KLHL24: variants seen among roughly 807,000 people sequenced by gnomAD.
KLHL24 encodes the protein kelch like family member 24, also known as kelch-like protein 24.
Under a neutral mutation model 53.4 loss-of-function variants are expected in KLHL24, and 29 were observed. The observed-to-expected ratio is 0.54, with a 90% CI of 0.40 to 0.74. The LOEUF (loss-of-function observed/expected upper bound fraction) is 0.74, where lower values mean the gene tolerates loss of function less well. Among genes scored for constraint, KLHL24 ranks in the 30% least tolerant of loss-of-function variants. KLHL24 has a pLI of 0.00. For synonymous variants in KLHL24, 222 were observed against 253.7 expected, an observed-to-expected ratio of 0.88 and a Z score of 1.19; for missense variants, 504 against 744.0, an observed-to-expected ratio of 0.68 and a Z score of 3.75.
At position 183,681,074 on chromosome 3, in the gene KLHL24, T is replaced by C. The variant is rs1352709415; in HGVS notation, c.*1788T>C. 1 of 152,156 alleles carries C rather than the reference T, an allele frequency of 6.6e-6. No homozygotes were observed. The highest frequency in any genetic ancestry group is 1.5e-5 in the Non-Finnish European group (1 of 68,000). The allele number at this position is 152,156 out of a possible 1,614,324, so 9.4% of individuals were successfully genotyped here. A position where few individuals can be genotyped will look rare whatever the true frequency, so the allele number is the denominator to read the frequency against. ...TAAAAATTTTTAGGGAATTTTTATTTTTCAAATCATAATTTTAAAATGATA... is the reference window on the plus strand; with the variant it reads ...TAAAAATTTTTAGGGAATTTTTATTCTTCAAATCATAATTTTAAAATGATA... On this transcript the variant is annotated 3_prime_UTR_variant, in exon 8 of 8. Transcript: ENST00000242810.
chr3:183,680,332 C>G lies in KLHL24; in HGVS notation c.*1046C>G, dbSNP rs1712551455. 6.6e-6 allele frequency: 1 copy of G among 152,118 alleles called. No individual in the cohort carries two copies. Among genetic ancestry groups the G allele is most frequent in the Non-Finnish European group, 1.5e-5 (1 of 68,032 alleles). The allele number at this position is 152,118 out of a possible 1,614,324, so 9.4% of individuals were successfully genotyped here. A position where few individuals can be genotyped will look rare whatever the true frequency, so the allele number is the denominator to read the frequency against. ...GAAAAATAGGGATAGGTTTTCCTTC[C>G]TAGCCCAGTAGAGTTTGACCTCATT... is the stretch of plus-strand genomic sequence containing the variant. On this transcript the variant is annotated 3_prime_UTR_variant, in exon 8 of 8. Transcript: ENST00000242810.
chr3:183,672,538 A>T (rs1323180056), intron 7 of KLHL24, 54 bp downstream of exon 7: 13 of 1,250,548 alleles, frequency 1.0e-5, no homozygotes, highest in Non-Finnish European at 1.1e-5. Context: ...GACCAAGTAC[A>T]TAATCATTAT....
chr3:183,658,867 G>A (rs1719296775), intron 3 of KLHL24, among the ~76,000 whole-genome samples: 1 of 149,914 alleles, frequency 6.7e-6, no homozygotes, highest in African/African-American at 2.5e-5. Context: ...TGACACAGTC[G>A]TAGCTCACTG....
At position 183,672,308 on chromosome 3, in the gene KLHL24, G is replaced by C. The variant is rs1279487975; in HGVS notation, c.1426G>C (p.Asp476His). 1.9e-6 allele frequency: 3 copies of C among 1,579,816 alleles called. No homozygotes were observed. The highest frequency in any genetic ancestry group is 2.4e-5 in the South Asian group (2 of 84,978). Reference protein sequence around the residue: ...NTCSDKVQSYDPETNSWLLRA... With the variant: ...NTCSDKVQSYHPETNSWLLRA... ...TATATGTTATTAGGTTCAATCTTAT[G>C]ATCCAGAAACCAATTCTTGGCTACT... Residue 476 changes from aspartate (D) to histidine (H), a missense_variant, in exon 7 of 8, where the codon GAT (aspartate) becomes CAT (histidine). Coordinates refer to ENST00000242810, the MANE Select transcript of KLHL24 (RefSeq NM_017644.3).
intron 3 of KLHL24, among the ~76,000 whole-genome samples, chr3:183,656,423 A>C (rs1452142675): frequency 6.6e-6 from 1 of 152,188 alleles, no homozygotes; most frequent in Non-Finnish European, 1.5e-5. Flanking sequence ...TTTCTAGGTC[A>C]AAAGTTTAAT....
chr3:183,669,947 A>G (rs572921559), intron 5 of KLHL24, among the ~76,000 whole-genome samples: 2 of 152,210 alleles, frequency 1.3e-5, no homozygotes, highest in African/African-American at 4.8e-5. Context: ...ATGACAGTCC[A>G]TTAAGAGAAA....
chr3:183,645,169 C>T (rs1717046992), intron 2 of KLHL24, among the ~76,000 whole-genome samples: 1 of 152,112 alleles, frequency 6.6e-6, no homozygotes, highest in Admixed American at 6.5e-5. Context: ...AGTTATATTC[C>T]ATGTCATCAC....
rs140630942 is a variant in KLHL24, at chr3:183,676,181, C to T, written c.1603-2905C>T. Among the ~76,000 whole-genome samples the T allele has an allele frequency of 3.9e-3, 599 of 152,236 alleles. 6 individuals carry two copies. The East Asian group carries it at 0.052, about 13-fold the overall frequency. On this transcript the variant is annotated intron_variant, in intron 7 of 7. Transcript: ENST00000242810. ...ATTGATCTCGGCTCACTGCAACCTC[C>T]GCCTCCCGGGTTCAAGTGATTCTCC...
chr3:183,665,665 G>A (rs1479492403), intron 5 of KLHL24, among the ~76,000 whole-genome samples: 10 of 152,138 alleles, frequency 6.6e-5, no homozygotes, highest in African/African-American at 1.2e-4. Context: ...CAGGAGAATC[G>A]CTTGAACCCG....
intron 1 of KLHL24, among the ~76,000 whole-genome samples, chr3:183,637,940 T>G (rs1446267667): frequency 2.0e-5 from 3 of 152,238 alleles, no homozygotes; most frequent in Admixed American, 1.3e-4. Context: ...ATTGCAGGCG[T>G]GAGCCACCGT....
At chr3:183,669,981 C>T (rs1457200623) in intron 5 of KLHL24, among the ~76,000 whole-genome samples, 4 of 152,152 alleles carry the variant, frequency 2.6e-5, no homozygotes, top group Admixed American at 6.5e-5. Context: ...TGATGGCTCA[C>T]GCCTGTAATC....
At chr3:183,661,961 A>G (rs1230073812) in intron 3 of KLHL24, among the ~76,000 whole-genome samples, 3 of 152,198 alleles carry the variant, frequency 2.0e-5, no homozygotes, top group Non-Finnish European at 4.4e-5. Context: ...GGAAATACTT[A>G]TATGGAAAGA....
chr3:183,651,021 T>C lies in KLHL24; in HGVS notation c.665T>C (p.Val222Ala). The change falls in exon 3 of 8, where the codon GTT (valine) becomes GCT (alanine). Residue 222 changes from valine to alanine, a missense_variant. Physicochemically the swap from Val to Ala is moderately conservative, Grantham distance 64. Transcript: ENST00000242810. ...LIDYICSDELVIGKEEMVFEA... is the reference protein window; with the variant it reads ...LIDYICSDELAIGKEEMVFEA... ...GATTATATTTGTAGTGATGAACTTG[T>C]TATTGGTAAAGAGGAGATGGTTTTT... 4 of 1,614,186 alleles carry C rather than the reference T, an allele frequency of 2.5e-6. No homozygotes were observed. Among genetic ancestry groups the C allele is most frequent in the Non-Finnish European group, 3.4e-6 (4 of 1,180,020 alleles).
At position 183,640,469 on chromosome 3, in the gene KLHL24, CAT is replaced by C. The variant is rs528507575; in HGVS notation, c.-124-3007_-124-3006del. 2.5e-4 allele frequency among the ~76,000 whole-genome samples: 38 copies of C among 152,264 alleles called. No homozygotes were observed. In the East Asian group the frequency reaches 7.3e-3, roughly 29 times the overall value. Reference sequence around the variant, plus strand: ...TGTTTTGTTTCTCATCAAGCAAAGTCATATAGTATATTGCCCATTTGAGGTTC... The same window carrying C: ...TGTTTTGTTTCTCATCAAGCAAAGTCATAGTATATTGCCCATTTGAGGTTC... On this transcript the variant is annotated intron_variant, in intron 1 of 7. Transcript: ENST00000242810.
At chr3:183,636,723 T>C (rs1396364053) in intron 1 of KLHL24, 1 of 152,144 alleles carries the variant, frequency 6.6e-6, no homozygotes, top group Non-Finnish European at 1.5e-5. Context: ...CCCTGGGCCA[T>C]TCTTCCCGCC....
Position 183,650,422 on chromosome 3 carries a change from T to A in KLHL24, c.66T>A (p.Thr22=). The A allele has an allele frequency of 6.2e-7, 1 of 1,614,168 alleles. No individual in the cohort carries two copies. Among genetic ancestry groups the A allele is most frequent in the Non-Finnish European group, 8.5e-7 (1 of 1,180,020 alleles). ...TTGGGGTGCGTGATTCCCCAGCAACTAAGCGAAAAGTTTTTGAAATGGACC... is the reference window on the plus strand; with the variant it reads ...TTGGGGTGCGTGATTCCCCAGCAACAAAGCGAAAAGTTTTTGAAATGGACC... The part of the protein sequence containing the change: ...EDLGVRDSPA[T]KRKVFEMDPK... The change falls in exon 3 of 8, where the codon ACT becomes ACA. Residue 22 remains threonine, a synonymous_variant. Coordinates refer to ENST00000242810, the MANE Select transcript of KLHL24 (RefSeq NM_017644.3). This position sits in a 1 kb window ranked among gnomAD's most constrained non-coding sequence, Gnocchi z 4.5.
chr3:183,638,865 C>T (rs187142939), intron 1 of KLHL24, among the ~76,000 whole-genome samples: 30 of 152,300 alleles, frequency 2.0e-4, no homozygotes, highest in Non-Finnish European at 2.8e-4. Context: ...TAAAGTATTT[C>T]AACATTTGGC....
In KLHL24 at chr3:183,650,797, G is replaced by C. The variant is rs1157960847; in HGVS notation, c.441G>C (p.Gln147His). Reference protein sequence around the residue: ...QYLFETSSLFQISVLRDACAK... With the variant: ...QYLFETSSLFHISVLRDACAK... The stretch of plus-strand genomic sequence containing the variant: ...TCTTTGAGACATCAAGCCTCTTTCA[G>C]ATTAGTGTTCTCCGTGATGCATGTG... Residue 147 changes from glutamine (Q) to histidine (H), a missense_variant, in exon 3 of 8, where the codon CAG (glutamine) becomes CAC (histidine). Gln to His is a conservative substitution (Grantham distance 24, BLOSUM62 0). Coordinates refer to ENST00000242810, the MANE Select transcript of KLHL24 (RefSeq NM_017644.3). This position sits in a 1 kb window ranked among gnomAD's most constrained non-coding sequence, Gnocchi z 4.5. 6.2e-7 allele frequency: 1 copy of C among 1,614,018 alleles called. No individual in the cohort carries two copies. Among genetic ancestry groups the C allele is most frequent in the Non-Finnish European group, 8.5e-7 (1 of 1,179,964 alleles).
chr3:183,666,889 C>T (rs1026243027), intron 5 of KLHL24, among the ~76,000 whole-genome samples: 3 of 152,116 alleles, frequency 2.0e-5, no homozygotes, highest in Non-Finnish European at 4.4e-5. Flanking sequence ...TCCAAAACCA[C>T]CTCAAATTAA....
Sources: allele counts gnomAD v4.1 joint callset (sites outside exome capture counted in the v4.1 genomes callset), GRCh38; gene constraint gnomAD v4.1.1; non-coding constraint Gnocchi (gnomAD v3.1); transcripts MANE v1.5; gene names NCBI Gene and HGNC (gene_info 2026-07-23, HGNC 2026-07-21).